CYP2C19: variants seen among roughly 807,000 people sequenced by gnomAD.
CYP2C19 encodes the protein cytochrome P450 family 2 subfamily C member 19.
Under a neutral mutation model 40.9 loss-of-function variants are expected in CYP2C19, and 59 were observed. The observed-to-expected ratio is 1.44, with a 90% CI of 1.17 to 1.79. The LOEUF (loss-of-function observed/expected upper bound fraction) is 1.79. Ranked by LOEUF, CYP2C19 falls within the 40% of genes most tolerant of loss-of-function variation. The probability of loss-of-function intolerance (pLI) is 0.00; values close to 1 mark genes in which losing one functional copy is unlikely to be tolerated. For missense variants in CYP2C19, 754 were observed against 596.9 expected, an observed-to-expected ratio of 1.26 and a Z score of -2.74; for synonymous variants, 253 against 208.7, an observed-to-expected ratio of 1.21 and a Z score of -1.83.
intron 6 of CYP2C19, among the ~76,000 whole-genome samples, chr10:94,833,158 G>T (rs547803231): frequency 8.5e-5 from 13 of 152,202 alleles, no homozygotes; most frequent in South Asian, 4.2e-4. Flanking sequence ...TAATTATCTT[G>T]TGGAATCTTT....
chr10:94,828,095 A>T (rs1434885129), intron 6 of CYP2C19, among the ~76,000 whole-genome samples: 1 of 151,994 alleles, frequency 6.6e-6, no homozygotes. Context: ...TATGTGGTCA[A>T]TTTTGGAATA....
At chr10:94,846,775 T>C (rs1401178794) in intron 7 of CYP2C19, among the ~76,000 whole-genome samples, 1 of 151,706 alleles carries the variant, frequency 6.6e-6, no homozygotes, top group African/African-American at 2.4e-5. Flanking sequence ...GCCATGCTGG[T>C]GTGCTGCACC....
At chr10:94,816,811 G>A (rs978316377) in intron 5 of CYP2C19, among the ~76,000 whole-genome samples, 2 of 149,028 alleles carry the variant, frequency 1.3e-5, no homozygotes, top group Non-Finnish European at 3.0e-5. Flanking sequence ...TCCCACCTAT[G>A]AGTGAGAATA....
intron 5 of CYP2C19, among the ~76,000 whole-genome samples, chr10:94,788,095 T>G (rs1848565491): frequency 6.9e-6 from 1 of 145,362 alleles, no homozygotes; most frequent in South Asian, 2.5e-4. Flanking sequence ...CTTTGTTAGC[T>G]GTATTCCTAG....
chr10:94,841,161 T>G (rs1214400033), intron 6 of CYP2C19, among the ~76,000 whole-genome samples: 1 of 152,158 alleles, frequency 6.6e-6, no homozygotes, highest in African/African-American at 2.4e-5. Context: ...TCTTGGGCCA[T>G]GCAGTGAGTG....
At chr10:94,829,062 G>A (rs191420613) in intron 6 of CYP2C19, among the ~76,000 whole-genome samples, 4 of 152,072 alleles carry the variant, frequency 2.6e-5, no homozygotes, top group Non-Finnish European at 4.4e-5. Context: ...TCCCTTTGAG[G>A]GTAACCCGAC....
chr10:94,779,889 G>T (rs922326245), intron 3 of CYP2C19, among the ~76,000 whole-genome samples: 3 of 152,062 alleles, frequency 2.0e-5, no homozygotes, highest in Admixed American at 6.6e-5. Context: ...TGCCTTATCT[G>T]GGATTTACAT....
intron 5 of CYP2C19, among the ~76,000 whole-genome samples, chr10:94,816,467 C>T (rs1849004140): frequency 6.6e-6 from 1 of 151,986 alleles, no homozygotes; most frequent in Admixed American, 6.6e-5. Flanking sequence ...TACCAAACAG[C>T]AGGCTATTTA....
chr10:94,801,170 T>C lies in CYP2C19; in HGVS notation c.819+19173T>C, dbSNP rs1848759787. Among the ~76,000 whole-genome samples the C allele has an allele frequency of 3.9e-5, 6 of 152,340 alleles. No individual in the cohort carries two copies. In the South Asian group the frequency reaches 1.2e-3, roughly 32 times the overall value. ...ATCTTGCCACTAAATCTCTAGTTCTTTTAAATGTCATGTTAGGATGCTGAT... is the reference window on the plus strand; with the variant it reads ...ATCTTGCCACTAAATCTCTAGTTCTCTTAAATGTCATGTTAGGATGCTGAT... On this transcript the variant is annotated intron_variant, in intron 5 of 8. Transcript: ENST00000371321.
chr10:94,796,846 C>G (rs1225185737), intron 5 of CYP2C19, among the ~76,000 whole-genome samples: 1 of 152,064 alleles, frequency 6.6e-6, no homozygotes, highest in African/African-American at 2.4e-5. Context: ...GATTTTGTAT[C>G]CTGAGACTTT....
chr10:94,828,593 C>G (rs1047637404), intron 6 of CYP2C19, among the ~76,000 whole-genome samples: 7 of 149,152 alleles, frequency 4.7e-5, no homozygotes, highest in Non-Finnish European at 5.9e-5. Context: ...ATACAGCACA[C>G]TGATGGGTCT....
chr10:94,842,703 C>G, intron 6 of CYP2C19, 134 bp from the exon 7 acceptor site: 2 of 1,010,902 alleles, frequency 2.0e-6, no homozygotes, highest in African/African-American at 3.2e-5. Flanking sequence ...TTAAGTTACA[C>G]ATACTTCCAG....
In CYP2C19 at chr10:94,838,640, C is replaced by T. The variant is rs111750204; in HGVS notation, c.962-4197C>T. Among the ~76,000 whole-genome samples, 369 of 151,934 alleles carry T rather than the reference C, an allele frequency of 2.4e-3. 1 individual carries two copies. Among genetic ancestry groups the T allele is most frequent in the African/African-American group, 7.5e-3 (312 of 41,424 alleles). On this transcript the variant is annotated intron_variant, in intron 6 of 8. Transcript: ENST00000371321. ...ACCCCTTTATCTATCTCTTTTTGGACGGTTTGTGTTGAAGGGGGATCCTTG... is the reference window on the plus strand; with the variant it reads ...ACCCCTTTATCTATCTCTTTTTGGATGGTTTGTGTTGAAGGGGGATCCTTG...
At chr10:94,765,451 T>C (rs921405221) in intron 1 of CYP2C19, among the ~76,000 whole-genome samples, 4 of 152,126 alleles carry the variant, frequency 2.6e-5, no homozygotes, top group African/African-American at 9.7e-5. Context: ...TGTGTGTTTG[T>C]TGTTTTCATT....
intron 7 of CYP2C19, among the ~76,000 whole-genome samples, chr10:94,844,925 G>A (rs966591502): frequency 2.0e-5 from 3 of 152,180 alleles, no homozygotes; most frequent in African/African-American, 4.8e-5. Context: ...TGTTGAAGGG[G>A]AATGCTGCAT....
rs576613427 is a variant in CYP2C19, at chr10:94,854,671, CATAAT to C, written c.*1761_*1765del. 1.2e-3 allele frequency among the ~76,000 whole-genome samples: 186 copies of C among 152,102 alleles called. No individual in the cohort carries two copies. The highest frequency in any genetic ancestry group is 6.8e-3 in the Middle Eastern group (2 of 292). On this transcript the variant is annotated 3_prime_UTR_variant, in exon 9 of 9. Transcript: ENST00000371321. ...TGTGTGTACATTATGTGCATTCACA[CATAAT>C]ATATATATGTATAACTTATGCACAC...
At position 94,774,852 on chromosome 10, in the gene CYP2C19, G is replaced by A. The variant is rs373045306; in HGVS notation, c.169-206G>A. 11 of 593,742 alleles carry A rather than the reference G, an allele frequency of 1.9e-5. No individual in the cohort carries two copies. The Admixed American group carries it at 2.1e-4, about 11-fold the overall frequency. The allele number at this position is 593,742 out of a possible 1,614,324, so 36.8% of individuals were successfully genotyped here. A position where few individuals can be genotyped will look rare whatever the true frequency, so the allele number is the denominator to read the frequency against. ...GTTAATTGTAATCTGTGTAGCAATTGTCTGACCATTGCCTTGAACATCATA... is the reference window on the plus strand; with the variant it reads ...GTTAATTGTAATCTGTGTAGCAATTATCTGACCATTGCCTTGAACATCATA... On this transcript the variant is annotated intron_variant, in intron 1 of 8. Coordinates refer to ENST00000371321, the MANE Select transcript of CYP2C19 (RefSeq NM_000769.4).
chr10:94,767,734 G>A (rs1848267374), intron 1 of CYP2C19, among the ~76,000 whole-genome samples: 2 of 152,108 alleles, frequency 1.3e-5, no homozygotes, highest in South Asian at 4.1e-4. Flanking sequence ...TTTGGAGGAG[G>A]GTTTTAAGTA....
At chr10:94,849,232 A>G (rs1849615912) in intron 7 of CYP2C19, among the ~76,000 whole-genome samples, 2 of 152,164 alleles carry the variant, frequency 1.3e-5, no homozygotes, top group South Asian at 4.1e-4. Flanking sequence ...ACAGGCACTA[A>G]AGCCCAAGCT....
Sources: allele counts gnomAD v4.1 joint callset (sites outside exome capture counted in the v4.1 genomes callset), GRCh38; gene constraint gnomAD v4.1.1; transcripts MANE v1.5; gene names NCBI Gene and HGNC (gene_info 2026-07-23, HGNC 2026-07-21).